The following DLG2 variants were observed in gnomAD, a reference collection of about 807,000 sequenced individuals.
DLG2 encodes the protein discs large MAGUK scaffold protein 2, also known as disks large homolog 2.
A neutral mutation model predicts 132.5 loss-of-function variants in DLG2; 45 were observed. The ratio of observed to expected loss-of-function variants is 0.34; its 90% CI spans 0.27 to 0.44. DLG2 has a LOEUF of 0.44. DLG2 is among the 20% of genes least tolerant of loss of function. The pLI is 1.00. For synonymous variants in DLG2, 424 were observed against 419.6 expected (o/e 1.01, Z -0.13); for missense variants, 1,045 against 1,196.9 (o/e 0.87, Z 1.87).
intron 6 of DLG2, among the ~76,000 whole-genome samples, chr11:84,651,578 A>T (rs539319500): frequency 6.6e-6 from 1 of 152,178 alleles, no homozygotes; most frequent in Non-Finnish European, 1.5e-5. Context: ...ACACTGCTTG[A>T]GATGGTCACA....
chr11:84,133,471 C>T (rs1245071629), intron 9 of DLG2, among the ~76,000 whole-genome samples: 3 of 151,912 alleles, frequency 2.0e-5, no homozygotes, highest in African/African-American at 7.3e-5. Flanking sequence ...TTATTTAAAG[C>T]ATTCTGTTTT....
At chr11:84,840,680 T>G (rs917860900) in intron 6 of DLG2, among the ~76,000 whole-genome samples, 3 of 152,152 alleles carry the variant, frequency 2.0e-5, no homozygotes, top group African/African-American at 7.2e-5. Context: ...GATGAGTTTA[T>G]GTCCTTTGTA....
At chr11:84,503,273 G>T (rs2099227399) in intron 7 of DLG2, among the ~76,000 whole-genome samples, 1 of 152,158 alleles carries the variant, frequency 6.6e-6, no homozygotes, top group Non-Finnish European at 1.5e-5. Context: ...ATTTCATAGG[G>T]TTGTCTGGGG....
chr11:85,582,702 A>AAAAC (rs1296264435), intron 3 of DLG2, among the ~76,000 whole-genome samples: 2 of 138,072 alleles, frequency 1.4e-5, no homozygotes, highest in African/African-American at 5.3e-5. Flanking sequence ...AAAAAAAAAA[A>AAAAC]AAACTCGTGC....
chr11:84,266,162 C>A (rs115709702), intron 7 of DLG2, among the ~76,000 whole-genome samples: 2,623 of 152,278 alleles, frequency 0.017, 59 homozygotes, highest in African/African-American at 0.058. Context: ...AGGCACCCTG[C>A]ACCTGGTGTT....
In DLG2 at chr11:83,457,854, T is replaced by A. The variant is rs1379126853; in HGVS notation, c.*1964A>T. On this transcript the variant is annotated 3_prime_UTR_variant, in exon 28 of 28. Transcript: ENST00000376104. The stretch of plus-strand genomic sequence containing the variant: ...AATTTAACTTTCATGAGAGGGAGAA[T>A]GCATTGCTAGCCCTTCCATTGGCAA... The A allele has an allele frequency of 6.5e-6, 1 of 152,736 alleles. No individual in the cohort carries two copies. Among genetic ancestry groups the A allele is most frequent in the East Asian group, 1.9e-4 (1 of 5,188 alleles). The allele number at this position is 152,736 out of a possible 1,614,324, so 9.5% of individuals were successfully genotyped here.
intron 19 of DLG2, among the ~76,000 whole-genome samples, chr11:83,575,096 G>A (rs1436754843): frequency 1.3e-5 from 2 of 152,182 alleles, no homozygotes; most frequent in African/African-American, 2.4e-5. Context: ...TAGGTAGTGA[G>A]CAGCTTTCAT....
At chr11:85,491,180 A>C (rs1282490217) in intron 3 of DLG2, among the ~76,000 whole-genome samples, 1 of 152,148 alleles carries the variant, frequency 6.6e-6, no homozygotes, top group Non-Finnish European at 1.5e-5. Context: ...CCATATGTTC[A>C]TTTCAATAGA....
intron 4 of DLG2, among the ~76,000 whole-genome samples, chr11:85,227,636 C>T (rs1271690204): frequency 6.6e-6 from 1 of 152,130 alleles, no homozygotes; most frequent in Non-Finnish European, 1.5e-5. Context: ...AATCTTCACA[C>T]TGCAGCCACA....
At chr11:85,580,432 A>T (rs1427242412) in intron 3 of DLG2, among the ~76,000 whole-genome samples, 1 of 152,206 alleles carries the variant, frequency 6.6e-6, no homozygotes, top group Non-Finnish European at 1.5e-5. Context: ...ACTCAAACAG[A>T]AGTCAGAGAA....
intron 18 of DLG2, among the ~76,000 whole-genome samples, chr11:83,714,742 AC>A (rs1462188509): frequency 7.9e-5 from 12 of 152,196 alleles, no homozygotes; most frequent in Admixed American, 1.3e-4. Flanking sequence ...TTATTATTAT[AC>A]TTTAAGTTCT....
At chr11:85,175,733 G>T (rs1476707620) in intron 4 of DLG2, among the ~76,000 whole-genome samples, 6 of 152,020 alleles carry the variant, frequency 3.9e-5, no homozygotes, top group African/African-American at 1.2e-4. Context: ...CCACCCAAAA[G>T]TATCTTAAGC....
chr11:83,816,597 G>A (rs768012986), intron 17 of DLG2, among the ~76,000 whole-genome samples: 2 of 152,046 alleles, frequency 1.3e-5, no homozygotes, highest in East Asian at 3.9e-4. Flanking sequence ...TTATCACAGA[G>A]AATCTAGGTT....
intron 4 of DLG2, among the ~76,000 whole-genome samples, chr11:85,216,885 G>T (rs895973077): frequency 2.0e-5 from 3 of 151,868 alleles, no homozygotes; most frequent in South Asian, 2.1e-4. Flanking sequence ...TATTAGAGAC[G>T]GGGTTTCACT....
intron 7 of DLG2, among the ~76,000 whole-genome samples, chr11:84,314,715 C>CAT (rs1232750005): frequency 6.6e-6 from 1 of 151,518 alleles, no homozygotes; most frequent in Non-Finnish European, 1.5e-5. Context: ...CATATATATG[C>CAT]ATATATATAC....
At chr11:84,388,963 T>C (rs1290624904) in intron 7 of DLG2, among the ~76,000 whole-genome samples, 1 of 152,138 alleles carries the variant, frequency 6.6e-6, no homozygotes, top group Non-Finnish European at 1.5e-5. Context: ...TTGAGTTTGC[T>C]TTCCTCCACT....
intron 3 of DLG2, among the ~76,000 whole-genome samples, chr11:85,315,776 AG>A (rs1408914300): frequency 6.6e-6 from 1 of 151,998 alleles, no homozygotes; most frequent in African/African-American, 2.4e-5. Flanking sequence ...CACAGGAGTG[AG>A]GCCACCTTGT....
Position 83,532,749 on chromosome 11 carries a change from C to G in DLG2, c.2152G>C (p.Val718Leu). 2 of 1,613,010 alleles carry G rather than the reference C, an allele frequency of 1.2e-6. No individual in the cohort carries two copies. The highest frequency in any genetic ancestry group is 1.7e-6 in the Non-Finnish European group (2 of 1,179,362). The change falls in exon 21 of 28, where the codon GTG becomes CTG. Residue 718 changes from valine (V) to leucine (L), a missense_variant. Physicochemically the swap from Val to Leu is conservative, Grantham distance 32 (BLOSUM62 1). This residue lies in a region of DLG2 where 398 missense variants were observed against 543.6 expected (regional missense o/e 0.73). Coordinates refer to ENST00000376104, the MANE Select transcript of DLG2 (RefSeq NM_001142699.3). Reference protein sequence around the residue: ...ERKERARLKTVKFNAKPGVID... With the variant: ...ERKERARLKTLKFNAKPGVID... ...ACTCCAGGTTTGGCATTAAACTTCA[C>G]TGTCTTCAATCGGGCACGTTCCTTT...
intron 3 of DLG2, among the ~76,000 whole-genome samples, chr11:85,524,002 T>C (rs1416451468): frequency 6.6e-6 from 1 of 152,186 alleles, no homozygotes; most frequent in Non-Finnish European, 1.5e-5. Context: ...ACTTTGCATG[T>C]TCTCATTTAT....
Sources: gnomAD v4.1 joint callset for allele counts (sites outside exome capture counted in the v4.1 genomes callset) on GRCh38, gnomAD v4.1.1 for gene constraint, gnomAD v4.1.1 regional missense constraint, MANE v1.5 for transcripts, NCBI Gene and HGNC (gene_info 2026-07-23, HGNC 2026-07-21) for gene names.